CPSF3: variants seen among roughly 807,000 people sequenced by gnomAD.
The protein encoded by CPSF3 is cleavage and polyadenylation specific factor 3.
A neutral mutation model predicts 84.1 loss-of-function variants in CPSF3; 57 were observed. The ratio of observed to expected loss-of-function variants is 0.68; its 90% CI spans 0.55 to 0.85. The LOEUF is 0.85. CPSF3 is among the 40% of genes least tolerant of loss of function. CPSF3 has a pLI of 0.00. For synonymous variants in CPSF3, 275 were observed against 278.1 expected, an observed-to-expected ratio of 0.99 and a Z score of 0.11; for missense variants, 522 against 838.8, an observed-to-expected ratio of 0.62 and a Z score of 4.66.
intron 6 of CPSF3, 81 bp from the exon 7 acceptor site, chr2:9,436,130 C>T (rs1160441881): frequency 1.4e-5 from 17 of 1,211,664 alleles, no homozygotes; most frequent in Admixed American, 2.4e-5. Context: ...TGCTTAGCCC[C>T]TCAGTATTTC....
intron 15 of CPSF3, 132 bp downstream of exon 15, chr2:9,459,750 A>G (rs151177871): frequency 5.2e-4 from 274 of 525,082 alleles, no homozygotes; most frequent in African/African-American, 5.2e-3. Flanking sequence ...CCCAGGTTCA[A>G]GCAATTCTCC....
chr2:9,467,667 A>G, intron 15 of CPSF3, 40 bp from the exon 16 acceptor site: 1 of 1,459,376 alleles, frequency 6.9e-7, no homozygotes. Flanking sequence ...CTGAATAGGA[A>G]TTTAGAAACT....
At chr2:9,427,305 T>G (rs1400598269) in intron 1 of CPSF3, among the ~76,000 whole-genome samples, 1 of 152,254 alleles carries the variant, frequency 6.6e-6, no homozygotes. Context: ...ACATGTATTC[T>G]TAATTATTGT....
intron 15 of CPSF3, among the ~76,000 whole-genome samples, chr2:9,463,068 G>C (rs1681783354): frequency 6.6e-6 from 1 of 152,240 alleles, no homozygotes; most frequent in African/African-American, 2.4e-5. Context: ...GGAAACATCA[G>C]TGAACAAAGC....
intron 15 of CPSF3, among the ~76,000 whole-genome samples, chr2:9,461,931 T>G (rs532999578): frequency 3.9e-4 from 59 of 151,928 alleles, no homozygotes; most frequent in South Asian, 8.3e-4. Context: ...CCGGCTAATT[T>G]TTGTATTTTT....
In CPSF3 at chr2:9,432,566, G is replaced by A; in HGVS notation, c.397G>A (p.Asp133Asn). 1 of 1,565,304 alleles carries A rather than the reference G, an allele frequency of 6.4e-7. No homozygotes were observed. The highest frequency in any genetic ancestry group is 8.7e-7 in the Non-Finnish European group (1 of 1,145,068). Residue 133 changes from aspartate (D) to asparagine (N), a missense_variant, in exon 5 of 18, where the codon GAC becomes AAC. This residue lies in a region of CPSF3 where 329 missense variants were observed against 607.2 expected (regional missense o/e 0.54). Transcript: ENST00000238112. ...YTETDLEESM[D>N]KIETINFHEV... ...CGAGACAGATTTGGAAGAAAGCATG[G>A]ACAAAATTGAAACTATCAACTTTCA... is the stretch of plus-strand genomic sequence containing the variant.
chr2:9,461,669 CAA>C, intron 15 of CPSF3, among the ~76,000 whole-genome samples: 1 of 126,428 alleles, frequency 7.9e-6, no homozygotes, highest in East Asian at 2.4e-4. Flanking sequence ...TACTCCATCT[CAA>C]AAAAAAAAAT....
At chr2:9,433,725 A>G (rs1348048136) in intron 5 of CPSF3, 146 bp from the exon 6 acceptor site, 3 of 613,694 alleles carry the variant, frequency 4.9e-6, no homozygotes, top group African/African-American at 3.7e-5. Flanking sequence ...CACATTTTGA[A>G]TTGGACACAA....
chr2:9,443,338 G>A (rs1333585251), intron 9 of CPSF3, among the ~76,000 whole-genome samples, 177 bp from the exon 10 acceptor site: 1 of 152,072 alleles, frequency 6.6e-6, no homozygotes, highest in East Asian at 1.9e-4. Context: ...CTCATTAAAT[G>A]TTTGCTTGAT....
At chr2:9,471,588 ATAT>A in intron 17 of CPSF3, 149 bp downstream of exon 17, 1 of 607,468 alleles carries the variant, frequency 1.6e-6, no homozygotes, top group Non-Finnish European at 3.0e-6. Context: ...TGTTCTTTTT[ATAT>A]TATTATGGTT....
Position 9,471,429 on chromosome 2 carries a change from T to C in CPSF3, c.1943T>C (p.Leu648Ser). Residue 648 changes from leucine to serine, a missense_variant, in exon 17 of 18, where the codon TTG becomes TCG. Leu to Ser is a moderately radical substitution (Grantham distance 145, BLOSUM62 -2). This residue lies in a region of CPSF3 where 193 missense variants were observed against 231.6 expected (regional missense o/e 0.83). Coordinates refer to ENST00000238112, the MANE Select transcript of CPSF3 (RefSeq NM_016207.4). Reference sequence around the variant, plus strand: ...GACGGGAAAACTGCCAACCTTAACTTGGAGACACGGGTATGTAGCTGCTCT... The same window carrying C: ...GACGGGAAAACTGCCAACCTTAACTCGGAGACACGGGTATGTAGCTGCTCT... The part of the protein sequence containing the change: ...TVDGKTANLN[L>S]ETRTVECEEG... 1 of 1,598,148 alleles carries C rather than the reference T, an allele frequency of 6.3e-7. No homozygotes were observed. Among genetic ancestry groups the C allele is most frequent in the Middle Eastern group, 1.7e-4 (1 of 6,026 alleles).
intron 11 of CPSF3, among the ~76,000 whole-genome samples, chr2:9,452,078 C>T (rs545563760): frequency 6.6e-5 from 10 of 151,910 alleles, no homozygotes; most frequent in Non-Finnish European, 1.2e-4. Context: ...CATGTAATTC[C>T]AACACTTTGG....
chr2:9,444,159 T>TATATATATA (rs1553344444), intron 10 of CPSF3, among the ~76,000 whole-genome samples: 3 of 113,326 alleles, frequency 2.6e-5, no homozygotes, highest in Non-Finnish European at 5.4e-5. Context: ...TATATATATA[T>TATATATATA]TTTTTTTTTT....
In CPSF3 at chr2:9,439,413, C is replaced by T. The variant is rs556338423; in HGVS notation, c.761-1078C>T. Among the ~76,000 whole-genome samples the T allele has an allele frequency of 1.4e-3, 203 of 146,274 alleles. 1 individual carries two copies. Among genetic ancestry groups the T allele is most frequent in the African/African-American group, 4.9e-3 (195 of 39,512 alleles). On this transcript the variant is annotated intron_variant, in intron 7 of 17. Coordinates refer to ENST00000238112, the MANE Select transcript of CPSF3 (RefSeq NM_016207.4). The stretch of plus-strand genomic sequence containing the variant: ...GCATGAACCCGGGAGGCGGAACTTG[C>T]AGTGAGCGGAGATCGCGCCACTGCA...
Position 9,436,304 on chromosome 2 carries a change from A to G in CPSF3, c.703A>G (p.Arg235Gly). 1.2e-6 allele frequency: 2 copies of G among 1,614,018 alleles called. No homozygotes were observed. The highest frequency in any genetic ancestry group is 1.7e-6 in the Non-Finnish European group (2 of 1,179,920). ...CCACGATATTGTAAACAGAGGAGGCAGGGGTCTCATTCCTGTCTTTGCTCT... is the reference window on the plus strand; with the variant it reads ...CCACGATATTGTAAACAGAGGAGGCGGGGGTCTCATTCCTGTCTTTGCTCT... ...TVHDIVNRGGRGLIPVFALGR... is the reference protein window; with the variant it reads ...TVHDIVNRGGGGLIPVFALGR... Residue 235 changes from arginine (R) to glycine (G), a missense_variant, in exon 7 of 18, where the codon AGG (arginine) becomes GGG (glycine). Coordinates refer to ENST00000238112, the MANE Select transcript of CPSF3 (RefSeq NM_016207.4).
At chr2:9,427,668 C>T (rs531498537) in intron 1 of CPSF3, among the ~76,000 whole-genome samples, 1 of 152,296 alleles carries the variant, frequency 6.6e-6, no homozygotes, top group South Asian at 2.1e-4. Flanking sequence ...GTCCATCTGA[C>T]TGAGTTCCTT....
chr2:9,471,601 T>A (rs1682166392), intron 17 of CPSF3, among the ~76,000 whole-genome samples, 162 bp downstream of exon 17: 2 of 152,322 alleles, frequency 1.3e-5, no homozygotes, highest in South Asian at 4.1e-4. Context: ...TTATTATGGT[T>A]GAAGTTTTCC....
At chr2:9,442,402 G>C (rs952334517) in intron 9 of CPSF3, among the ~76,000 whole-genome samples, 2 of 152,202 alleles carry the variant, frequency 1.3e-5, no homozygotes, top group South Asian at 4.1e-4. Context: ...AGAAATTGTA[G>C]AAAATATATG....
chr2:9,445,662 A>G (rs1361356584), intron 10 of CPSF3, among the ~76,000 whole-genome samples: 1 of 152,162 alleles, frequency 6.6e-6, no homozygotes, highest in Non-Finnish European at 1.5e-5. Context: ...ACACTCCCCC[A>G]GATTTCCAAG....
Sources: gnomAD v4.1 joint callset for allele counts (sites outside exome capture counted in the v4.1 genomes callset) on GRCh38, gnomAD v4.1.1 for gene constraint, gnomAD v4.1.1 regional missense constraint, MANE v1.5 for transcripts, NCBI Gene and HGNC (gene_info 2026-07-23, HGNC 2026-07-21) for gene names.